Variants in PARD3B observed in about 807,000 individuals in gnomAD.
PARD3B encodes par-3 family cell polarity regulator beta.
Under a neutral mutation model 130.2 loss-of-function variants are expected in PARD3B, and 103 were observed. That is an observed-to-expected ratio of 0.79 (90% confidence interval 0.67 to 0.93). The LOEUF (loss-of-function observed/expected upper bound fraction) is 0.93, where lower values mean the gene tolerates loss of function less well. Ranked by LOEUF, PARD3B falls within the 40% of genes least tolerant of loss-of-function variation. The pLI is 0.00. For synonymous variants in PARD3B, 583 were observed against 553.2 expected, an observed-to-expected ratio of 1.05 and a Z score of -0.76; for missense variants, 1,609 against 1,499.2, an observed-to-expected ratio of 1.07 and a Z score of -1.21.
At chr2:204,776,297 C>A (rs1327364509) in intron 2 of PARD3B, among the ~76,000 whole-genome samples, 1 of 151,948 alleles carries the variant, frequency 6.6e-6, no homozygotes, top group African/African-American at 2.4e-5. Flanking sequence ...AGAGTTTACA[C>A]GTGTGGTTTG....
At chr2:205,138,573 AT>A (rs1278685033) in intron 10 of PARD3B, among the ~76,000 whole-genome samples, 1 of 152,130 alleles carries the variant, frequency 6.6e-6, no homozygotes, top group East Asian at 1.9e-4. Flanking sequence ...AGGGAGAAGA[AT>A]TTTTTTTATC....
chr2:204,648,462 T>G (rs959636611), intron 1 of PARD3B, among the ~76,000 whole-genome samples: 1 of 148,446 alleles, frequency 6.7e-6, no homozygotes, highest in Non-Finnish European at 1.5e-5. Flanking sequence ...AAGTGTATTT[T>G]TAGACATGTT....
intron 2 of PARD3B, among the ~76,000 whole-genome samples, chr2:204,724,718 A>G (rs951620697): frequency 2.6e-5 from 4 of 152,136 alleles, no homozygotes; most frequent in Admixed American, 2.6e-4. Context: ...ACCAAATAGT[A>G]GAAAATACTG....
At chr2:204,746,313 A>G (rs1402626114) in intron 2 of PARD3B, among the ~76,000 whole-genome samples, 4 of 151,650 alleles carry the variant, frequency 2.6e-5, no homozygotes, top group Non-Finnish European at 5.9e-5. Context: ...ACATGAACTC[A>G]TCATTTTTTA....
chr2:205,538,148 G>A (rs1274092147), intron 21 of PARD3B, among the ~76,000 whole-genome samples: 2 of 152,072 alleles, frequency 1.3e-5, no homozygotes, highest in South Asian at 2.1e-4. Context: ...CAACAGAGAA[G>A]GAAAAACAAA....
chr2:205,293,393 G>A (rs1217216358), intron 16 of PARD3B: 1 of 152,054 alleles, frequency 6.6e-6, no homozygotes, highest in Non-Finnish European at 1.5e-5. Context: ...AATGGCAAAA[G>A]GAAAGAGAGG....
chr2:204,673,872 C>T lies in PARD3B; in HGVS notation c.121-12309C>T, dbSNP rs932920348. ...TTTTTTCTTAGATGTTGCAAGAACT[C>T]AACACATGTTGCAGAAAGGACTGCC... On this transcript the variant is annotated intron_variant, in intron 1 of 22. Coordinates refer to ENST00000406610, the MANE Select transcript of PARD3B (RefSeq NM_001302769.2). This position sits in a 1 kb window ranked among gnomAD's most constrained non-coding sequence, Gnocchi z 4.7. Among the ~76,000 whole-genome samples the T allele has an allele frequency of 3.3e-5, 5 of 152,132 alleles. No homozygotes were observed. Among genetic ancestry groups the T allele is most frequent in the African/African-American group, 9.7e-5 (4 of 41,424 alleles).
chr2:204,782,604 C>G (rs1276211528), intron 2 of PARD3B, among the ~76,000 whole-genome samples: 1 of 151,380 alleles, frequency 6.6e-6, no homozygotes, highest in African/African-American at 2.4e-5. Context: ...TATTAAGACA[C>G]TCCTTGTTGT....
At chr2:204,995,309 A>G (rs1177595130) in intron 3 of PARD3B, among the ~76,000 whole-genome samples, 2 of 150,428 alleles carry the variant, frequency 1.3e-5, no homozygotes, top group Non-Finnish European at 3.0e-5. Flanking sequence ...TTGCTTGTCT[A>G]TAAAGTATTT....
intron 4 of PARD3B, among the ~76,000 whole-genome samples, chr2:205,089,040 A>G (rs1312103503): frequency 3.3e-5 from 5 of 151,264 alleles, no homozygotes; most frequent in Non-Finnish European, 5.9e-5. Flanking sequence ...TGGCCTCGTG[A>G]TCCACCTGCC....
At chr2:204,923,398 T>C (rs2047757924) in intron 2 of PARD3B, among the ~76,000 whole-genome samples, 1 of 152,050 alleles carries the variant, frequency 6.6e-6, no homozygotes, top group African/African-American at 2.4e-5. Context: ...ATATTAAATT[T>C]GATACAGCAC....
intron 2 of PARD3B, among the ~76,000 whole-genome samples, chr2:204,733,160 C>G (rs941531136): frequency 6.8e-6 from 1 of 146,640 alleles, no homozygotes; most frequent in Admixed American, 6.8e-5. Context: ...TTTTGAGCAT[C>G]AAAAAAGAAT....
At chr2:204,634,706 G>A (rs1025915975) in intron 1 of PARD3B, among the ~76,000 whole-genome samples, 1 of 152,030 alleles carries the variant, frequency 6.6e-6, no homozygotes, top group Non-Finnish European at 1.5e-5. Flanking sequence ...AAACTTAAAT[G>A]TATTTTTGAG....
chr2:204,546,148 G>A lies in PARD3B; in HGVS notation c.120+29G>A. 3.2e-6 allele frequency: 5 copies of A among 1,549,758 alleles called. No homozygotes were observed. In the South Asian group the frequency reaches 6.0e-5, roughly 18 times the overall value. ...AGCGCGGCGCGGAGGAGTGGGGCGC[G>A]GCTGCAGCCAAGGCACCTGCCAGGT... On this transcript the variant is annotated intron_variant, in intron 1 of 22. Coordinates refer to ENST00000406610, the MANE Select transcript of PARD3B (RefSeq NM_001302769.2).
chr2:205,400,428 GC>G (rs1056121542), intron 18 of PARD3B, among the ~76,000 whole-genome samples: 1 of 152,050 alleles, frequency 6.6e-6, no homozygotes, highest in Admixed American at 6.6e-5. Flanking sequence ...ATCACTTGGG[GC>G]CAGAAGTTCA....
intron 15 of PARD3B, among the ~76,000 whole-genome samples, chr2:205,213,195 T>C (rs928815248): frequency 1.3e-5 from 2 of 151,358 alleles, no homozygotes; most frequent in African/African-American, 4.9e-5. Context: ...CATTCAAATC[T>C]TGCCTTCTCT....
At chr2:205,549,304 G>T (rs748122282) in intron 21 of PARD3B, among the ~76,000 whole-genome samples, 2 of 152,166 alleles carry the variant, frequency 1.3e-5, no homozygotes, top group Non-Finnish European at 2.9e-5. Context: ...ACCCAAAGGA[G>T]TTGAAAACTG....
intron 16 of PARD3B, among the ~76,000 whole-genome samples, chr2:205,275,672 C>T (rs1467642583): frequency 3.3e-5 from 5 of 151,710 alleles, no homozygotes; most frequent in Admixed American, 1.3e-4. Flanking sequence ...CCTGTCTCTA[C>T]TAACAATACA....
In PARD3B at chr2:205,293,673, A is replaced by G. The variant is rs1186467926; in HGVS notation, c.2186-6857A>G. On this transcript the variant is annotated intron_variant, in intron 16 of 22. Transcript: ENST00000406610. ...AATTATTAAATCATTGAAAGTATGT[A>G]AAAGAACCTAAGGGTTGTATTAACA... 3.3e-5 allele frequency: 5 copies of G among 152,354 alleles called. No individual in the cohort carries two copies. The East Asian group carries it at 9.6e-4, about 29-fold the overall frequency. 9.4% of individuals were successfully genotyped at this position (152,354 alleles called of 1,614,324 possible).
Sources: allele counts gnomAD v4.1 joint callset (sites outside exome capture counted in the v4.1 genomes callset), GRCh38; gene constraint gnomAD v4.1.1; non-coding constraint Gnocchi (gnomAD v3.1); transcripts MANE v1.5; gene names NCBI Gene and HGNC (gene_info 2026-07-23, HGNC 2026-07-21).